The following C1QTNF3 variants were observed in gnomAD, a reference collection of about 807,000 sequenced individuals.
The protein encoded by C1QTNF3 is complement C1q tumor necrosis factor-related protein 3.
Under a neutral mutation model 32.6 loss-of-function variants are expected in C1QTNF3, and 26 were observed. The ratio of observed to expected loss-of-function variants is 0.80; its 90% confidence interval spans 0.58 to 1.11. The LOEUF is 1.11. Among genes scored for constraint, C1QTNF3 ranks in the 50% least tolerant of loss-of-function variants. The pLI is 0.00. For synonymous variants in C1QTNF3, 155 were observed against 146.0 expected (o/e 1.06, Z -0.44); for missense variants, 362 against 398.2 (o/e 0.91, Z 0.77).
At chr5:34,113,520 A>G in the C1QTNF3 span, among the ~76,000 whole-genome samples, 1 of 152,264 alleles carries the variant, frequency 6.6e-6, no homozygotes, top group Admixed American at 6.5e-5. Flanking sequence ...TATATATCAG[A>G]GAATTATCAG....
chr5:34,201,544 T>C, the C1QTNF3 span, among the ~76,000 whole-genome samples: 2,220 of 152,226 alleles, frequency 0.015, 37 homozygotes, highest in South Asian at 0.034. Flanking sequence ...TTTGCAACTA[T>C]AGTGCTCCTG....
chr5:34,026,063 T>TA (rs1427635664), intron 4 of C1QTNF3, among the ~76,000 whole-genome samples: 1 of 152,240 alleles, frequency 6.6e-6, no homozygotes, highest in East Asian at 1.9e-4. Flanking sequence ...TGCTTCCTTT[T>TA]AATTCTGGAT....
the C1QTNF3 span, among the ~76,000 whole-genome samples, chr5:34,197,375 T>G: frequency 3.3e-5 from 5 of 152,286 alleles, no homozygotes; most frequent in East Asian, 7.7e-4. Flanking sequence ...ATTAACAGTA[T>G]GCTGTCACAG....
the C1QTNF3 span, among the ~76,000 whole-genome samples, chr5:34,213,802 TATATA>T: frequency 1.8e-4 from 1 of 5,688 alleles, no homozygotes; most frequent in Non-Finnish European, 6.1e-4. Context: ...TATATATATA[TATATA>T]TATTTTTTTT....
At chr5:34,071,891 C>T in the C1QTNF3 span, among the ~76,000 whole-genome samples, 188 of 152,122 alleles carry the variant, frequency 1.2e-3, 1 homozygote, top group African/African-American at 4.3e-3. Flanking sequence ...TAGAAATTAC[C>T]GGGAAAGAAA....
Position 34,020,501 on chromosome 5 carries a change from C to T in C1QTNF3, c.*82G>A. ...TTTTTGAATACAGCAATGTAAAACC[C>T]TCAACTTTAATGTTCCTCAGATCGT... On this transcript the variant is annotated 3_prime_UTR_variant, in exon 6 of 6. Transcript: ENST00000382065. 1 of 1,506,038 alleles carries T rather than the reference C, an allele frequency of 6.6e-7. No individual in the cohort carries two copies. The highest frequency in any genetic ancestry group is 9.0e-7 in the Non-Finnish European group (1 of 1,107,956). 93.3% of individuals were successfully genotyped at this position (1,506,038 alleles called of 1,614,324 possible).
the C1QTNF3 span, among the ~76,000 whole-genome samples, chr5:34,176,250 T>C: frequency 6.9e-5 from 8 of 115,176 alleles, no homozygotes; most frequent in African/African-American, 2.7e-4. Context: ...CTGGGGACTG[T>C]TGTGCGGTGG....
chr5:34,110,263 T>C, the C1QTNF3 span, among the ~76,000 whole-genome samples: 1 of 150,506 alleles, frequency 6.6e-6, no homozygotes, highest in Non-Finnish European at 1.5e-5. Context: ...CTCATTTCTG[T>C]GCACATCTCT....
At chr5:34,064,892 C>A in the C1QTNF3 span, among the ~76,000 whole-genome samples, 1 of 152,158 alleles carries the variant, frequency 6.6e-6, no homozygotes, top group Non-Finnish European at 1.5e-5. Flanking sequence ...TATTCCAAGT[C>A]TACTGATTTA....
At chr5:34,025,895 T>C (rs1326820597) in intron 4 of C1QTNF3, among the ~76,000 whole-genome samples, 1 of 152,186 alleles carries the variant, frequency 6.6e-6, no homozygotes, top group Non-Finnish European at 1.5e-5. Flanking sequence ...CAAGAACATT[T>C]AAAGATGATT....
chr5:34,156,139 C>T, the C1QTNF3 span, among the ~76,000 whole-genome samples: 10 of 152,258 alleles, frequency 6.6e-5, no homozygotes, highest in Admixed American at 2.6e-4. Flanking sequence ...GGCATGATCT[C>T]GGCTCACTGT....
the C1QTNF3 span, among the ~76,000 whole-genome samples, chr5:34,110,861 A>G: frequency 2.0e-5 from 3 of 152,134 alleles, no homozygotes; most frequent in Non-Finnish European, 2.9e-5. Context: ...TTCTGCACCC[A>G]CTAATTTGGG....
the C1QTNF3 span, among the ~76,000 whole-genome samples, chr5:34,063,767 T>C: frequency 2.6e-5 from 4 of 152,116 alleles, no homozygotes; most frequent in Non-Finnish European, 4.4e-5. Context: ...CCTTTGGAGA[T>C]ACAACTTGCT....
At chr5:34,236,781 G>A in the C1QTNF3 span, among the ~76,000 whole-genome samples, 3 of 151,458 alleles carry the variant, frequency 2.0e-5, no homozygotes, top group Admixed American at 1.3e-4. Flanking sequence ...TCACCGTGTT[G>A]GCCAGGATGG....
the C1QTNF3 span, among the ~76,000 whole-genome samples, chr5:34,157,180 T>A: frequency 6.6e-6 from 1 of 152,210 alleles, no homozygotes; most frequent in African/African-American, 2.4e-5. Flanking sequence ...AACATACTTG[T>A]AGAATTTACT....
At chr5:34,176,494 C>T in the C1QTNF3 span, among the ~76,000 whole-genome samples, 5 of 151,826 alleles carry the variant, frequency 3.3e-5, no homozygotes, top group African/African-American at 9.7e-5. Context: ...TTAGTAACTG[C>T]TTTATTTATA....
the C1QTNF3 span, among the ~76,000 whole-genome samples, chr5:34,054,770 C>T: frequency 6.6e-6 from 1 of 151,958 alleles, no homozygotes; most frequent in African/African-American, 2.4e-5. Context: ...TTTTTACCTT[C>T]CTGTCTGTCT....
chr5:34,211,720 C>T, the C1QTNF3 span, among the ~76,000 whole-genome samples: 1 of 151,874 alleles, frequency 6.6e-6, no homozygotes, highest in East Asian at 1.9e-4. Flanking sequence ...AGGACATGAA[C>T]TCATCATTTT....
chr5:34,072,637 T>C, the C1QTNF3 span, among the ~76,000 whole-genome samples: 1 of 152,112 alleles, frequency 6.6e-6, no homozygotes, highest in African/African-American at 2.4e-5. Context: ...TATATGAAAA[T>C]CATGAGACTT....
Sources: allele counts gnomAD v4.1 joint callset (sites outside exome capture counted in the v4.1 genomes callset), GRCh38; gene constraint gnomAD v4.1.1; transcripts MANE v1.5; gene names NCBI Gene and HGNC (gene_info 2026-07-23, HGNC 2026-07-21).